The following RASAL2 variants were observed in gnomAD, a reference collection of about 807,000 sequenced individuals.
RASAL2 encodes RAS protein activator like 2, also known as ras GTPase-activating protein nGAP.
Under a neutral mutation model 128.9 loss-of-function variants are expected in RASAL2, and 58 were observed. The ratio of observed to expected loss-of-function variants is 0.45; its 90% CI spans 0.36 to 0.56. The LOEUF (loss-of-function observed/expected upper bound fraction) is 0.56, where lower values mean the gene tolerates loss of function less well. Among genes scored for constraint, RASAL2 ranks in the 20% least tolerant of loss-of-function variants. RASAL2 has a pLI of 0.00. For synonymous variants in RASAL2, 561 were observed against 580.8 expected, an observed-to-expected ratio of 0.97 and a Z score of 0.49; for missense variants, 1,360 against 1,601.6, an observed-to-expected ratio of 0.85 and a Z score of 2.57.
Position 178,442,985 on chromosome 1 carries a change from A to G in RASAL2, c.1238A>G (p.Lys413Arg), listed in dbSNP as rs1291818816. 3 of 1,614,082 alleles carry G rather than the reference A, an allele frequency of 1.9e-6. No homozygotes were observed. The highest frequency in any genetic ancestry group is 2.5e-6 in the Non-Finnish European group (3 of 1,179,974). ...ASVTGRQFVE[K>R]WYPVSTPTPN... ...GTGACTGGTCGCCAATTTGTAGAAAAGTGGTATCCAGTGAGTACACCTACA... is the reference window on the plus strand; with the variant it reads ...GTGACTGGTCGCCAATTTGTAGAAAGGTGGTATCCAGTGAGTACACCTACA... The change falls in exon 8 of 18, where the codon AAG becomes AGG. Residue 413 changes from lysine to arginine, a missense_variant. Lys to Arg is a conservative substitution (Grantham distance 26). Transcript: ENST00000367649.
At chr1:178,353,529 GTC>G (rs1670633873) in intron 3 of RASAL2, among the ~76,000 whole-genome samples, 4 of 152,118 alleles carry the variant, frequency 2.6e-5, no homozygotes, top group Admixed American at 2.0e-4. Context: ...CATTTAACCA[GTC>G]TCTAGGGAGT....
chr1:178,229,597 A>G (rs1338551665), intron 1 of RASAL2, among the ~76,000 whole-genome samples: 3 of 152,066 alleles, frequency 2.0e-5, no homozygotes, highest in South Asian at 4.2e-4. Context: ...CTGTTCATCA[A>G]TCATATCAGG....
chr1:178,262,241 TG>T (rs779059168), intron 1 of RASAL2, among the ~76,000 whole-genome samples: 1 of 152,202 alleles, frequency 6.6e-6, no homozygotes, highest in Non-Finnish European at 1.5e-5. Flanking sequence ...TCTTGGGCTT[TG>T]TATAAATGCA....
At chr1:178,256,652 A>C (rs1033919978) in intron 1 of RASAL2, among the ~76,000 whole-genome samples, 1 of 152,202 alleles carries the variant, frequency 6.6e-6, no homozygotes, top group Admixed American at 6.5e-5. Context: ...ATGGGATACA[A>C]AATCAATGTA....
At position 178,394,014 on chromosome 1, in the gene RASAL2, T is replaced by A. The variant is rs1673069625; in HGVS notation, c.564+3808T>A. Among the ~76,000 whole-genome samples, 2 of 152,222 alleles carry A rather than the reference T, an allele frequency of 1.3e-5. 1 individual carries two copies. The highest frequency in any genetic ancestry group is 1.3e-4 in the Admixed American group (2 of 15,274). ...AGCAGAATGGATGGATTTTTTTCCT[T>A]AAAGAGAGATTTTAATTAATATTTG... is the stretch of plus-strand genomic sequence containing the variant. On this transcript the variant is annotated intron_variant, in intron 4 of 17. Coordinates refer to ENST00000367649, the MANE Select transcript of RASAL2 (RefSeq NM_170692.4).
At chr1:178,211,910 T>C (rs972560847) in intron 1 of RASAL2, among the ~76,000 whole-genome samples, 6 of 152,210 alleles carry the variant, frequency 3.9e-5, no homozygotes, top group Non-Finnish European at 7.3e-5. Context: ...ATAGAATGCA[T>C]TGTTTTTTAT....
intron 5 of RASAL2, among the ~76,000 whole-genome samples, chr1:178,421,194 T>C (rs1002330154): frequency 1.3e-5 from 2 of 152,036 alleles, no homozygotes; most frequent in African/African-American, 4.8e-5. Flanking sequence ...TCTGTATGTA[T>C]AGCATATGAA....
Position 178,470,775 on chromosome 1 carries a change from C to G in RASAL2, c.3679-2300C>G, listed in dbSNP as rs998552163. 1.8e-5 allele frequency: 24 copies of G among 1,326,742 alleles called. No individual in the cohort carries two copies. The African/African-American group carries it at 3.1e-4, about 17-fold the overall frequency. 82.2% of individuals were successfully genotyped at this position (1,326,742 alleles called of 1,614,324 possible). A position where few individuals can be genotyped will look rare whatever the true frequency, so the allele number is the denominator to read the frequency against. ...AGCTGAGCAGTTCCCAGCCCTGGCCCAGTGCACTGGCCTCCTACACATTCC... is the reference window on the plus strand; with the variant it reads ...AGCTGAGCAGTTCCCAGCCCTGGCCGAGTGCACTGGCCTCCTACACATTCC... On this transcript the variant is annotated intron_variant, in intron 17 of 17. Transcript: ENST00000367649.
At chr1:178,218,592 C>T (rs1238624053) in intron 1 of RASAL2, among the ~76,000 whole-genome samples, 3 of 152,180 alleles carry the variant, frequency 2.0e-5, no homozygotes, top group Non-Finnish European at 2.9e-5. Context: ...GAGGCTGAGG[C>T]AGGAGAATTG....
At chr1:178,096,150 A>C (rs1308419606) in intron 1 of RASAL2, among the ~76,000 whole-genome samples, 1 of 152,174 alleles carries the variant, frequency 6.6e-6, no homozygotes, top group African/African-American at 2.4e-5. Context: ...TTTAGAACAA[A>C]GGTTGGTGAG....
chr1:178,117,820 G>A (rs1209308550), intron 1 of RASAL2, among the ~76,000 whole-genome samples: 1 of 152,136 alleles, frequency 6.6e-6, no homozygotes, highest in African/African-American at 2.4e-5. Flanking sequence ...TGTAAATTAT[G>A]CAGTCTAAGA....
In RASAL2 at chr1:178,140,511, C is replaced by G. The variant is rs186467768; in HGVS notation, c.202+45817C>G. The stretch of plus-strand genomic sequence containing the variant: ...TTCCTCCCCCTGAAACTCTGTCAAT[C>G]ACAGATATGTTTACTGTCTCTATAG... On this transcript the variant is annotated intron_variant, in intron 1 of 17. Transcript: ENST00000367649. Among the ~76,000 whole-genome samples the G allele has an allele frequency of 5.9e-5, 9 of 152,306 alleles. No homozygotes were observed. In the East Asian group the frequency reaches 1.5e-3, roughly 26 times the overall value.
chr1:178,302,625 A>T (rs1229639068), intron 3 of RASAL2, among the ~76,000 whole-genome samples: 1 of 152,226 alleles, frequency 6.6e-6, no homozygotes. Context: ...TTACCACCAC[A>T]TACACGTATA....
chr1:178,175,128 TAATAA>T (rs1359737013), intron 1 of RASAL2, among the ~76,000 whole-genome samples: 1 of 152,188 alleles, frequency 6.6e-6, no homozygotes, highest in Non-Finnish European at 1.5e-5. Context: ...GTTTTCTCAT[TAATAA>T]AATAGGAAAG....
intron 1 of RASAL2, among the ~76,000 whole-genome samples, chr1:178,103,083 A>G (rs1658963730): frequency 1.3e-5 from 2 of 152,168 alleles, no homozygotes; most frequent in African/African-American, 4.8e-5. Flanking sequence ...AAATGATATC[A>G]TAGGTTTTTA....
intron 3 of RASAL2, among the ~76,000 whole-genome samples, chr1:178,323,545 A>C (rs1197824950): frequency 1.3e-5 from 2 of 152,200 alleles, no homozygotes; most frequent in Non-Finnish European, 2.9e-5. Context: ...TGATAAATAC[A>C]AAGTTGGTAA....
intron 1 of RASAL2, among the ~76,000 whole-genome samples, chr1:178,127,848 AAGAAT>A (rs1659957621): frequency 6.6e-6 from 1 of 152,048 alleles, no homozygotes; most frequent in Non-Finnish European, 1.5e-5. Flanking sequence ...TTTCTTTTTA[AAGAAT>A]AGAAGTTTAC....
chr1:178,194,429 A>C (rs1558107309), intron 1 of RASAL2: 6 of 217,836 alleles, frequency 2.8e-5, no homozygotes, highest in Admixed American at 2.5e-4. Context: ...AGTGTCTTCC[A>C]ACACATCCAC....
intron 4 of RASAL2, among the ~76,000 whole-genome samples, chr1:178,407,558 T>G (rs908134436): frequency 1.3e-5 from 2 of 152,230 alleles, no homozygotes; most frequent in Admixed American, 1.3e-4. Flanking sequence ...GGGTCCTTTC[T>G]AGTTGACAGG....
Sources: allele counts gnomAD v4.1 joint callset (sites outside exome capture counted in the v4.1 genomes callset), GRCh38; gene constraint gnomAD v4.1.1; transcripts MANE v1.5; gene names NCBI Gene and HGNC (gene_info 2026-07-23, HGNC 2026-07-21).